Variants in ESR1 observed in about 807,000 individuals in gnomAD.
ESR1 encodes estrogen receptor.
Under a neutral mutation model 52.7 loss-of-function variants are expected in ESR1, and 12 were observed. The observed-to-expected ratio is 0.23, with a 90% CI of 0.15 to 0.37. The LOEUF (loss-of-function observed/expected upper bound fraction) is 0.37, where lower values mean the gene tolerates loss of function less well. Among genes scored for constraint, ESR1 ranks in the 10% least tolerant of loss-of-function variants. The pLI is 1.00. For missense variants in ESR1, 584 were observed against 779.7 expected (o/e 0.75, Z 2.99); for synonymous variants, 305 against 316.8 (o/e 0.96, Z 0.39).
intron 3 of ESR1, among the ~76,000 whole-genome samples, chr6:151,905,851 G>A (rs1797359442): frequency 1.3e-5 from 2 of 152,132 alleles, no homozygotes; most frequent in African/African-American, 2.4e-5. Context: ...GTTTTCACTG[G>A]CATGTCCCAC....
chr6:151,955,066 A>G lies in ESR1; in HGVS notation c.1096+10558A>G, dbSNP rs552770648. Among the ~76,000 whole-genome samples, 14 of 152,306 alleles carry G rather than the reference A, an allele frequency of 9.2e-5. No homozygotes were observed. The South Asian group carries it at 2.7e-3, about 29-fold the overall frequency. On this transcript the variant is annotated intron_variant, in intron 4 of 7. Coordinates refer to ENST00000206249, the MANE Select transcript of ESR1 (RefSeq NM_000125.4). ...TAGTATCTAACATATACATGTCAAA[A>G]CACATAGCCCCAATCTCATAAAATC...
Position 151,741,091 on chromosome 6 carries a change from G to A in ESR1, c.-71+39086G>A, listed in dbSNP as rs144890313. ...TTACTGGGGTGTGAGAGGCGGGCCC[G>A]TCAGTCACTGCTGCTCCCTAGCACT... On this transcript the variant is annotated intron_variant, in intron 2 of 2. Transcript: ENST00000404742. 3.0e-4 allele frequency among the ~76,000 whole-genome samples: 46 copies of A among 152,184 alleles called. No individual in the cohort carries two copies. The East Asian group carries it at 7.2e-3, about 24-fold the overall frequency.
chr6:151,720,366 T>C (rs1021400077), intron 2 of ESR1, among the ~76,000 whole-genome samples: 5 of 152,230 alleles, frequency 3.3e-5, no homozygotes, highest in Admixed American at 1.3e-4. Flanking sequence ...TTTGCCTTCA[T>C]GCTTTGCTCT....
intron 4 of ESR1, among the ~76,000 whole-genome samples, chr6:151,972,626 T>A (rs530995646): frequency 6.6e-6 from 1 of 152,226 alleles, no homozygotes; most frequent in South Asian, 2.1e-4. Flanking sequence ...TTTTTAAATA[T>A]GGGGAATGGT....
rs2033201251 is a variant in ESR1 at position 151,929,042 on chromosome 6, G to C, written c.761-15131G>C. ...AATGTGTATTAAGTTGTGGTTTGATGGAGTATTCTATAAATATTAATTAGA... is the reference window on the plus strand; with the variant it reads ...AATGTGTATTAAGTTGTGGTTTGATCGAGTATTCTATAAATATTAATTAGA... On this transcript the variant is annotated intron_variant, in intron 3 of 7. Transcript: ENST00000206249. Among the ~76,000 whole-genome samples, 3 of 152,068 alleles carry C rather than the reference G, an allele frequency of 2.0e-5. No individual in the cohort carries two copies. In the South Asian group the frequency reaches 6.2e-4, roughly 32 times the overall value.
At chr6:152,126,376 T>C (rs535009762) in exon 7 of ESR1, 3 of 152,320 alleles carry the variant, frequency 2.0e-5, no homozygotes, top group Admixed American at 2.0e-4. Context: ...ATTTAGCTAC[T>C]GTGCTAAAAA....
intron 2 of ESR1, among the ~76,000 whole-genome samples, chr6:151,746,363 G>C (rs1053110173): frequency 6.6e-6 from 1 of 152,224 alleles, no homozygotes; most frequent in African/African-American, 2.4e-5. Context: ...TCACGAAGAA[G>C]ATGGTAACTT....
exon 7 of ESR1, chr6:152,126,594 C>A (rs1585462164): frequency 6.6e-6 from 1 of 152,186 alleles, no homozygotes; most frequent in Non-Finnish European, 1.5e-5. Flanking sequence ...CAGCAAAAAA[C>A]GTGCTTATTT....
At chr6:152,026,104 A>AT (rs2044127216) in intron 5 of ESR1, among the ~76,000 whole-genome samples, 1 of 152,046 alleles carries the variant, frequency 6.6e-6, no homozygotes, top group Non-Finnish European at 1.5e-5. Flanking sequence ...ATTACTGAAT[A>AT]TTTTTGTGGT....
upstream of ESR1, among the ~76,000 whole-genome samples, chr6:151,686,645 G>A (rs937565433): frequency 1.4e-4 from 21 of 152,168 alleles, no homozygotes; most frequent in Admixed American, 3.3e-4. Context: ...CCGAGATGGC[G>A]CCACTGCACT....
chr6:151,657,632 C>A (rs750074408), intron 1 of ESR1, among the ~76,000 whole-genome samples: 5 of 151,896 alleles, frequency 3.3e-5, no homozygotes, highest in Non-Finnish European at 7.4e-5. Flanking sequence ...TTTTCCAGTC[C>A]CTTAGTTTAA....
At chr6:152,113,711 G>A (rs771291211) in intron 6 of ESR1, among the ~76,000 whole-genome samples, 4 of 152,112 alleles carry the variant, frequency 2.6e-5, no homozygotes, top group Non-Finnish European at 5.9e-5. Context: ...ATTCCCAATA[G>A]CGATTTCCAA....
chr6:151,674,869 T>A (rs1778199826), intron 1 of ESR1, among the ~76,000 whole-genome samples: 1 of 152,222 alleles, frequency 6.6e-6, no homozygotes, highest in Non-Finnish European at 1.5e-5. Flanking sequence ...TCAGTGAAAG[T>A]TCATGGACAA....
chr6:151,669,189 ATGG>A (rs1777955918), intron 1 of ESR1, among the ~76,000 whole-genome samples: 77 of 87,048 alleles, frequency 8.8e-4, no homozygotes, highest in Non-Finnish European at 9.6e-4. Flanking sequence ...AGAGAGAGAG[ATGG>A]GAATCCAGGG....
chr6:152,054,374 T>C (rs984610329), intron 5 of ESR1, among the ~76,000 whole-genome samples: 1 of 152,132 alleles, frequency 6.6e-6, no homozygotes, highest in African/African-American at 2.4e-5. Context: ...TTTGCTGAAA[T>C]CTTGTTGATT....
At chr6:151,998,785 C>T (rs149382819) in intron 4 of ESR1, among the ~76,000 whole-genome samples, 322 of 152,194 alleles carry the variant, frequency 2.1e-3, no homozygotes, top group African/African-American at 7.4e-3. Flanking sequence ...AACTTACATT[C>T]CAAAGTTTAG....
At chr6:152,083,010 A>G (rs1425993959) in intron 6 of ESR1, among the ~76,000 whole-genome samples, 1 of 152,230 alleles carries the variant, frequency 6.6e-6, no homozygotes, top group Non-Finnish European at 1.5e-5. Flanking sequence ...GATAGGAATA[A>G]TCAATATCAC....
chr6:151,685,509 G>A (rs879824834), upstream of ESR1, among the ~76,000 whole-genome samples: 9 of 152,186 alleles, frequency 5.9e-5, no homozygotes, highest in East Asian at 1.7e-3. Flanking sequence ...GTTGACAAAC[G>A]TAAACTACCC....
At chr6:152,043,679 G>A (rs890616973) in intron 5 of ESR1, among the ~76,000 whole-genome samples, 14 of 152,210 alleles carry the variant, frequency 9.2e-5, no homozygotes, top group Admixed American at 2.0e-4. Flanking sequence ...TGATGGCAGC[G>A]CAGGTGGAGG....
Sources: allele counts gnomAD v4.1 joint callset (sites outside exome capture counted in the v4.1 genomes callset), GRCh38; gene constraint gnomAD v4.1.1; transcripts MANE v1.5; gene names NCBI Gene and HGNC (gene_info 2026-07-23, HGNC 2026-07-21).